Variants in PRKCA observed in about 807,000 individuals in gnomAD.
PRKCA encodes protein kinase C alpha.
In PRKCA, 27 loss-of-function variants were observed where a neutral mutation model predicts 87.0. The ratio of observed to expected loss-of-function variants is 0.31; its 90% CI spans 0.23 to 0.43. The LOEUF is 0.43. Ranked by LOEUF, PRKCA falls within the 20% of genes least tolerant of loss-of-function variation. PRKCA has a pLI of 1.00. For synonymous variants in PRKCA, 329 were observed against 311.1 expected, an observed-to-expected ratio of 1.06 and a Z score of -0.61; for missense variants, 518 against 852.3, an observed-to-expected ratio of 0.61 and a Z score of 4.88.
intron 2 of PRKCA, among the ~76,000 whole-genome samples, chr17:66,342,331 AGAATT>A (rs1454777156): frequency 1.1e-4 from 16 of 152,160 alleles, no homozygotes; most frequent in African/African-American, 3.9e-4. Flanking sequence ...CTGAGGCAGG[AGAATT>A]GCTTGAATGC....
At chr17:66,531,988 C>A (rs1488986147) in intron 3 of PRKCA, among the ~76,000 whole-genome samples, 1 of 152,158 alleles carries the variant, frequency 6.6e-6, no homozygotes. Flanking sequence ...CGAGCCTCTG[C>A]CAGCCCTCTG....
chr17:66,685,509 C>G (rs186477130), intron 5 of PRKCA, among the ~76,000 whole-genome samples: 4 of 152,288 alleles, frequency 2.6e-5, no homozygotes, highest in African/African-American at 9.6e-5. Context: ...CTGTGGCTAG[C>G]AGACCTGAGC....
chr17:66,683,566 T>C (rs1280748251), intron 5 of PRKCA, among the ~76,000 whole-genome samples: 1 of 151,294 alleles, frequency 6.6e-6, no homozygotes, highest in Non-Finnish European at 1.5e-5. Flanking sequence ...CCACCTATCC[T>C]GGGGCAGCGT....
At chr17:66,479,998 TAA>T (rs5821521) in intron 2 of PRKCA, among the ~76,000 whole-genome samples, 31,890 of 144,704 alleles carry the variant, frequency 0.22, 3,700 homozygotes, top group African/African-American at 0.3. Context: ...CCCCTGAACT[TAA>T]AAAAAAAAAA....
chr17:66,688,006 C>G (rs541345980), intron 6 of PRKCA, among the ~76,000 whole-genome samples: 1 of 152,100 alleles, frequency 6.6e-6, no homozygotes, highest in Non-Finnish European at 1.5e-5. Flanking sequence ...TCTGTTGCAC[C>G]GGTATAACTT....
Position 66,677,812 on chromosome 17 carries a change from T to C in PRKCA, c.530-9299T>C, listed in dbSNP as rs116567616. On this transcript the variant is annotated intron_variant, in intron 5 of 16. Coordinates refer to ENST00000413366, the MANE Select transcript of PRKCA (RefSeq NM_002737.3). The stretch of plus-strand genomic sequence containing the variant: ...AGTAAAGCACGTGGAAACCTGTCAG[T>C]AAAGGCCTCTTTGTTAATTCAGATA... 1.9e-3 allele frequency among the ~76,000 whole-genome samples: 283 copies of C among 152,368 alleles called. 2 individuals are homozygous for C. The highest frequency in any genetic ancestry group is 6.5e-3 in the African/African-American group (270 of 41,590).
intron 2 of PRKCA, among the ~76,000 whole-genome samples, chr17:66,315,029 G>A (rs1298126200): frequency 4.0e-5 from 6 of 151,506 alleles, no homozygotes; most frequent in African/African-American, 1.5e-4. Flanking sequence ...ATGTGTGTGT[G>A]TATATATATA....
chr17:66,759,926 C>T (rs993512678), intron 13 of PRKCA, among the ~76,000 whole-genome samples: 9 of 152,248 alleles, frequency 5.9e-5, no homozygotes, highest in South Asian at 2.1e-4. Context: ...GAAATACATA[C>T]GGCCAAACAT....
chr17:66,447,994 C>T (rs955580112), intron 2 of PRKCA, among the ~76,000 whole-genome samples: 6 of 152,140 alleles, frequency 3.9e-5, no homozygotes, highest in African/African-American at 9.7e-5. Flanking sequence ...CAGTGGGTAT[C>T]GACAGGTAAG....
At chr17:66,798,734 ATGG>A (rs1568041448) in intron 16 of PRKCA, among the ~76,000 whole-genome samples, 16 of 492 alleles carry the variant, frequency 0.033, no homozygotes, top group Non-Finnish European at 0.058. Context: ...GGTGGTGGTG[ATGG>A]TGGTGGTGGT....
intron 1 of PRKCA, among the ~76,000 whole-genome samples, chr17:66,303,337 G>A (rs1245737411): frequency 6.6e-6 from 1 of 152,182 alleles, no homozygotes; most frequent in Non-Finnish European, 1.5e-5. Flanking sequence ...CGCACCCAGC[G>A]GAGCGGCCGC....
intron 12 of PRKCA, 130 bp from the exon 13 acceptor site, chr17:66,742,492 A>T: frequency 1.1e-6 from 1 of 946,858 alleles, no homozygotes; most frequent in Non-Finnish European, 1.6e-6. Flanking sequence ...CTGATACTAC[A>T]GTCCAGGGAC....
intron 2 of PRKCA, among the ~76,000 whole-genome samples, chr17:66,470,650 T>C (rs1915288424): frequency 6.6e-6 from 1 of 152,162 alleles, no homozygotes; most frequent in Non-Finnish European, 1.5e-5. Flanking sequence ...CAGTTCAGAC[T>C]TAAAGGGCAC....
intron 2 of PRKCA, among the ~76,000 whole-genome samples, chr17:66,448,152 CT>C (rs1172544981): frequency 1.3e-5 from 2 of 152,062 alleles, no homozygotes; most frequent in African/African-American, 4.8e-5. Context: ...ATTCTGTGCC[CT>C]TTTTCCGCTA....
intron 3 of PRKCA, among the ~76,000 whole-genome samples, chr17:66,606,097 ATAAT>A (rs1006706926): frequency 1.3e-4 from 20 of 152,228 alleles, no homozygotes; most frequent in African/African-American, 3.9e-4. Flanking sequence ...TATATAAAAA[ATAAT>A]TAATGAGGCC....
chr17:66,627,071 T>G (rs1416143717), intron 3 of PRKCA, among the ~76,000 whole-genome samples: 1 of 152,224 alleles, frequency 6.6e-6, no homozygotes, highest in African/African-American at 2.4e-5. Flanking sequence ...AATTTCTGCC[T>G]TTATTTTAAC....
chr17:66,718,582 A>T (rs1437436788), intron 8 of PRKCA, among the ~76,000 whole-genome samples: 3 of 152,182 alleles, frequency 2.0e-5, no homozygotes, highest in African/African-American at 7.2e-5. Context: ...CCTTTCAAAA[A>T]TGCTGGGATT....
chr17:66,738,495 A>G (rs1974088625), intron 10 of PRKCA, among the ~76,000 whole-genome samples: 1 of 152,256 alleles, frequency 6.6e-6, no homozygotes, highest in Non-Finnish European at 1.5e-5. Flanking sequence ...GGCCGTTACT[A>G]TAATAGCATA....
chr17:66,486,275 T>G (rs1334384533), intron 2 of PRKCA, among the ~76,000 whole-genome samples: 2 of 152,232 alleles, frequency 1.3e-5, no homozygotes, highest in African/African-American at 4.8e-5. Context: ...ATGCATATTC[T>G]TAGTCAATAT....
Sources: allele counts gnomAD v4.1 joint callset (sites outside exome capture counted in the v4.1 genomes callset), GRCh38; gene constraint gnomAD v4.1.1; transcripts MANE v1.5; gene names NCBI Gene and HGNC (gene_info 2026-07-23, HGNC 2026-07-21).